Variants in NBEA observed in about 807,000 individuals in gnomAD.
NBEA encodes lysosomal-trafficking regulator 2.
Under a neutral mutation model 343.4 loss-of-function variants are expected in NBEA, and 44 were observed. The observed-to-expected ratio is 0.13, with a 90% confidence interval of 0.10 to 0.16. The LOEUF is 0.16. NBEA is among the 10% of genes least tolerant of loss of function. NBEA has a pLI of 1.00. For synonymous variants in NBEA, 1,175 were observed against 1,238.7 expected (o/e 0.95, Z 1.08); for missense variants, 2,555 against 3,631.3 (o/e 0.70, Z 7.62).
intron 48 of NBEA, among the ~76,000 whole-genome samples, chr13:35,607,796 G>A (rs1206805841): frequency 6.6e-6 from 1 of 151,948 alleles, no homozygotes; most frequent in East Asian, 1.9e-4. Flanking sequence ...ACAAAGTTGT[G>A]CAACCATCAC....
chr13:35,423,230 A>C (rs904298578), intron 38 of NBEA, among the ~76,000 whole-genome samples: 6 of 152,276 alleles, frequency 3.9e-5, no homozygotes, highest in Non-Finnish European at 7.3e-5. Context: ...GCCCATGCCT[A>C]TGTTCCTGAA....
intron 46 of NBEA, among the ~76,000 whole-genome samples, chr13:35,585,085 T>C (rs1464498997): frequency 7.4e-6 from 1 of 135,140 alleles, no homozygotes; most frequent in Non-Finnish European, 1.5e-5. Flanking sequence ...TTCTGTTACT[T>C]TTCTCTTTCT....
chr13:35,645,615 C>T (rs868223428), intron 49 of NBEA, among the ~76,000 whole-genome samples: 1 of 151,998 alleles, frequency 6.6e-6, no homozygotes, highest in African/African-American at 2.4e-5. Context: ...TGAGTTCTCT[C>T]TAAAATTTCA....
At chr13:35,166,898 G>A (rs750704031) in intron 24 of NBEA, among the ~76,000 whole-genome samples, 2 of 151,956 alleles carry the variant, frequency 1.3e-5, no homozygotes, top group Non-Finnish European at 2.9e-5. Flanking sequence ...GAAGGGATAA[G>A]TGAAAAAAGG....
chr13:35,476,019 G>A (rs755198155), intron 41 of NBEA: 2 of 1,614,194 alleles, frequency 1.2e-6, no homozygotes, highest in South Asian at 1.1e-5. Context: ...CCTTCAGTAC[G>A]TCGGAAACTA....
intron 1 of NBEA, among the ~76,000 whole-genome samples, chr13:34,976,713 A>G (rs528067356): frequency 7.6e-4 from 113 of 149,008 alleles, no homozygotes; most frequent in Non-Finnish European, 1.2e-3. Context: ...GGAGAGATAT[A>G]TAAGATGAAG....
At chr13:35,222,129 G>T (rs2074401716) in intron 33 of NBEA, among the ~76,000 whole-genome samples, 1 of 151,912 alleles carries the variant, frequency 6.6e-6, no homozygotes, top group South Asian at 2.1e-4. Context: ...TGTTAAAATG[G>T]CTTGGTTTTT....
chr13:35,074,907 C>T (rs986195255), intron 10 of NBEA, among the ~76,000 whole-genome samples: 12 of 152,040 alleles, frequency 7.9e-5, no homozygotes, highest in African/African-American at 2.9e-4. Context: ...ATTAGATGTA[C>T]TCGTTCAACC....
chr13:35,011,508 A>G (rs1275311995), intron 1 of NBEA, among the ~76,000 whole-genome samples: 1 of 152,238 alleles, frequency 6.6e-6, no homozygotes, highest in Non-Finnish European at 1.5e-5. Context: ...TGATATGGAT[A>G]TAATATTGAT....
At chr13:35,400,564 C>G (rs1023589857) in intron 38 of NBEA, among the ~76,000 whole-genome samples, 2 of 151,944 alleles carry the variant, frequency 1.3e-5, no homozygotes, top group Non-Finnish European at 2.9e-5. Flanking sequence ...GAGGAAAGAA[C>G]CTTAGAGCTC....
At chr13:35,166,186 T>G (rs1025606213) in intron 24 of NBEA, among the ~76,000 whole-genome samples, 4 of 152,140 alleles carry the variant, frequency 2.6e-5, no homozygotes, top group Non-Finnish European at 5.9e-5. Flanking sequence ...ATGCTTCTTA[T>G]GTAAAAAAAA....
chr13:35,111,224 C>A (rs1226013994), intron 13 of NBEA, among the ~76,000 whole-genome samples: 3 of 151,842 alleles, frequency 2.0e-5, no homozygotes, highest in African/African-American at 7.3e-5. Flanking sequence ...GCTTTTTTTT[C>A]ATTCAGGAAG....
intron 41 of NBEA, among the ~76,000 whole-genome samples, chr13:35,517,281 C>T (rs965693951): frequency 1.3e-5 from 2 of 152,140 alleles, no homozygotes; most frequent in Non-Finnish European, 2.9e-5. Context: ...CCTCCATTCT[C>T]TGCCATAGAG....
At chr13:35,313,297 C>T (rs1020810573) in intron 36 of NBEA, among the ~76,000 whole-genome samples, 2 of 152,166 alleles carry the variant, frequency 1.3e-5, no homozygotes, top group Non-Finnish European at 2.9e-5. Flanking sequence ...TGCTTGTTTA[C>T]ATCTATTTCT....
chr13:35,179,610 T>C (rs2071167868), intron 28 of NBEA: 1 of 174,426 alleles, frequency 5.7e-6, no homozygotes, highest in Admixed American at 6.6e-5. Flanking sequence ...TTCGTGTAGC[T>C]ATGACAGCAG....
chr13:35,532,080 T>C (rs1449664125), intron 41 of NBEA, among the ~76,000 whole-genome samples: 2 of 152,224 alleles, frequency 1.3e-5, no homozygotes, highest in African/African-American at 4.8e-5. Context: ...AGCTTCAAAT[T>C]GTCAGCTATT....
At chr13:35,576,673 GT>G (rs1197654049) in intron 45 of NBEA, among the ~76,000 whole-genome samples, 1 of 152,044 alleles carries the variant, frequency 6.6e-6, no homozygotes, top group African/African-American at 2.4e-5. Context: ...TTGATATACT[GT>G]CATATATATT....
At chr13:35,103,838 C>T (rs1307873489) in intron 11 of NBEA, among the ~76,000 whole-genome samples, 1 of 151,792 alleles carries the variant, frequency 6.6e-6, no homozygotes, top group African/African-American at 2.4e-5. Flanking sequence ...TATCCAGAAT[C>T]AATTACTACT....
chr13:35,178,425 A>T lies in NBEA; in HGVS notation c.4662+1322A>T, dbSNP rs73505608. Among the ~76,000 whole-genome samples, 999 of 151,822 alleles carry T rather than the reference A, an allele frequency of 6.6e-3. 11 individuals carry two copies. The highest frequency in any genetic ancestry group is 0.023 in the African/African-American group (957 of 41,516). ...TGGCGTAGTCATTCAGCAGTGACCT[A>T]TTCAGCCTTTAAGCATATATTTTTG... is the stretch of plus-strand genomic sequence containing the variant. On this transcript the variant is annotated intron_variant, in intron 28 of 58. Coordinates refer to ENST00000379939, the MANE Select transcript of NBEA (RefSeq NM_001385012.1).
Sources: gnomAD v4.1 joint callset for allele counts (sites outside exome capture counted in the v4.1 genomes callset) on GRCh38, gnomAD v4.1.1 for gene constraint, MANE v1.5 for transcripts, NCBI Gene and HGNC (gene_info 2026-07-23, HGNC 2026-07-21) for gene names.